The following METTL15 variants were observed in gnomAD, a reference collection of about 807,000 sequenced individuals.
METTL15 encodes methyltransferase 15, mitochondrial 12S rRNA N4-cytidine, also known as 12S rRNA N(4)-cytidine methyltransferase METTL15.
A neutral mutation model predicts 38.3 loss-of-function variants in METTL15; 34 were observed. The ratio of observed to expected loss-of-function variants is 0.89; its 90% CI spans 0.68 to 1.18. The LOEUF is 1.18. Ranked by LOEUF, METTL15 falls within the 50% of genes most tolerant of loss-of-function variation. METTL15 has a pLI of 0.00. For missense variants in METTL15, 438 were observed against 498.4 expected (o/e 0.88, Z 1.15); for synonymous variants, 162 against 170.9 (o/e 0.95, Z 0.41).
chr11:28,274,630 G>A (rs1171649595), intron 4 of METTL15, among the ~76,000 whole-genome samples: 1 of 151,996 alleles, frequency 6.6e-6, no homozygotes, highest in African/African-American at 2.4e-5. Context: ...GACTACATGA[G>A]TTGTAATTTT....
intron 3 of METTL15, among the ~76,000 whole-genome samples, chr11:28,173,087 TAAA>T (rs918587001): frequency 4.6e-5 from 7 of 152,108 alleles, no homozygotes; most frequent in Admixed American, 4.6e-4. Flanking sequence ...ATTTATTTTT[TAAA>T]AAAAGAGACA....
rs1294165072 is a variant in METTL15, at chr11:28,333,466, A to G, written c.*2625A>G. 2.0e-5 allele frequency: 3 copies of G among 152,160 alleles called. No individual in the cohort carries two copies. Among genetic ancestry groups the G allele is most frequent in the African/African-American group, 7.2e-5 (3 of 41,452 alleles). The allele number at this position is 152,160 out of a possible 1,614,324, so 9.4% of individuals were successfully genotyped here. A position where few individuals can be genotyped will look rare whatever the true frequency, so the allele number is the denominator to read the frequency against. On this transcript the variant is annotated 3_prime_UTR_variant, in exon 7 of 7. Coordinates refer to ENST00000407364, the MANE Select transcript of METTL15 (RefSeq NM_001113528.2). ...CACAGAAATAAAAGCTAATGTTACT[A>G]TGAATGCGCATTACTTTTCTAATAA... is the stretch of plus-strand genomic sequence containing the variant.
At chr11:28,453,685 G>A (rs534170827) in intron 6 of METTL15, among the ~76,000 whole-genome samples, 2 of 152,248 alleles carry the variant, frequency 1.3e-5, no homozygotes, top group African/African-American at 4.8e-5. Flanking sequence ...ACCACAAGAT[G>A]GCTTTTGGAT....
intron 6 of METTL15, among the ~76,000 whole-genome samples, chr11:28,492,549 C>G (rs1050325074): frequency 4.1e-4 from 48 of 116,148 alleles, no homozygotes; most frequent in African/African-American, 1.4e-3. Flanking sequence ...CACACACATA[C>G]ACACACACAA....
intron 3 of METTL15, chr11:28,144,904 T>C (rs1193126467): frequency 1.8e-5 from 3 of 164,786 alleles, no homozygotes; most frequent in African/African-American, 7.2e-5. Flanking sequence ...TCATACATTA[T>C]AGGCAATGGT....
intron 3 of METTL15, among the ~76,000 whole-genome samples, chr11:28,151,034 A>G (rs886180746): frequency 1.3e-5 from 2 of 151,452 alleles, no homozygotes; most frequent in East Asian, 1.9e-4. Context: ...AAGAAAAGGA[A>G]AAAAAGGTAA....
chr11:28,113,821 T>C (rs1318144754), intron 3 of METTL15, among the ~76,000 whole-genome samples: 1 of 152,216 alleles, frequency 6.6e-6, no homozygotes, highest in Non-Finnish European at 1.5e-5. Flanking sequence ...AATATTCATA[T>C]AAGTTACATG....
intron 4 of METTL15, among the ~76,000 whole-genome samples, chr11:28,226,935 G>C (rs1251572860): frequency 6.6e-6 from 1 of 151,672 alleles, no homozygotes; most frequent in Non-Finnish European, 1.5e-5. Flanking sequence ...AAGACAACTT[G>C]GAAAAATTAT....
At chr11:28,241,731 GC>G (rs1039290653) in intron 4 of METTL15, among the ~76,000 whole-genome samples, 14 of 152,100 alleles carry the variant, frequency 9.2e-5, no homozygotes, top group Admixed American at 2.0e-4. Flanking sequence ...CAAAGGAAAA[GC>G]CAGAGCAAGG....
chr11:28,260,063 A>G (rs1026877102), intron 4 of METTL15, among the ~76,000 whole-genome samples: 1 of 152,170 alleles, frequency 6.6e-6, no homozygotes, highest in African/African-American at 2.4e-5. Context: ...GCTTACTGCA[A>G]AAGTCTTCTA....
intron 4 of METTL15, among the ~76,000 whole-genome samples, chr11:28,229,614 G>A (rs1003108881): frequency 6.6e-6 from 1 of 151,954 alleles, no homozygotes; most frequent in Non-Finnish European, 1.5e-5. Context: ...TCTGCCATGT[G>A]AGGACACAGC....
intron 4 of METTL15, among the ~76,000 whole-genome samples, chr11:28,279,281 T>G (rs1207312905): frequency 6.6e-6 from 1 of 152,244 alleles, no homozygotes; most frequent in Non-Finnish European, 1.5e-5. Context: ...TTTCACCTTT[T>G]TTTGATACTA....
intron 3 of METTL15, among the ~76,000 whole-genome samples, chr11:28,164,858 C>T (rs1850600698): frequency 6.6e-6 from 1 of 151,998 alleles, no homozygotes; most frequent in Non-Finnish European, 1.5e-5. Flanking sequence ...CCATTTCTTC[C>T]CTCCTCCCCA....
At chr11:28,109,767 C>G (rs1354020030) in intron 1 of METTL15, among the ~76,000 whole-genome samples, 3 of 152,200 alleles carry the variant, frequency 2.0e-5, no homozygotes, top group Non-Finnish European at 4.4e-5. Flanking sequence ...CAGATGTTTT[C>G]ACACCTAATC....
chr11:28,185,075 T>G (rs966663016), intron 3 of METTL15, among the ~76,000 whole-genome samples: 49 of 151,550 alleles, frequency 3.2e-4, no homozygotes, highest in African/African-American at 1.1e-3. Context: ...GGTTACTGTT[T>G]TATATAGAGT....
At chr11:28,243,715 T>C (rs1230318480) in intron 4 of METTL15, among the ~76,000 whole-genome samples, 2 of 152,160 alleles carry the variant, frequency 1.3e-5, no homozygotes, top group Non-Finnish European at 2.9e-5. Context: ...TGAAAACTCA[T>C]CTTAACTATG....
intron 5 of METTL15, among the ~76,000 whole-genome samples, chr11:28,381,607 C>T (rs1272089559): frequency 6.6e-6 from 1 of 152,012 alleles, no homozygotes; most frequent in African/African-American, 2.4e-5. Flanking sequence ...TTTGAGCTCA[C>T]TGATTCTTTC....
At chr11:28,502,358 A>C (rs578256041) in intron 6 of METTL15, among the ~76,000 whole-genome samples, 31 of 152,308 alleles carry the variant, frequency 2.0e-4, no homozygotes, top group African/African-American at 6.7e-4. Flanking sequence ...CAACTATTCA[A>C]TTCTACCCTT....
At chr11:28,193,395 G>C (rs960734421) in intron 3 of METTL15, among the ~76,000 whole-genome samples, 1 of 152,108 alleles carries the variant, frequency 6.6e-6, no homozygotes, top group Non-Finnish European at 1.5e-5. Flanking sequence ...CAGGGCAGGA[G>C]GAAGAGAGAG....
Sources: allele counts gnomAD v4.1 joint callset (sites outside exome capture counted in the v4.1 genomes callset), GRCh38; gene constraint gnomAD v4.1.1; transcripts MANE v1.5; gene names NCBI Gene and HGNC (gene_info 2026-07-23, HGNC 2026-07-21).